Variants in INSL6 observed in about 807,000 individuals in gnomAD.
INSL6 encodes the protein insulin like 6.
Under a neutral mutation model 9.4 loss-of-function variants are expected in INSL6, and 16 were observed. The observed-to-expected ratio is 1.70, with a 90% CI of 1.15 to 2.59. INSL6 has a LOEUF of 2.59. INSL6 is among the 30% of genes most tolerant of loss of function. The probability of loss-of-function intolerance (pLI) is 0.00; values close to 1 mark genes in which losing one functional copy is unlikely to be tolerated. For synonymous variants in INSL6, 154 were observed against 96.9 expected, an observed-to-expected ratio of 1.59 and a Z score of -3.46; for missense variants, 391 against 257.3, an observed-to-expected ratio of 1.52 and a Z score of -3.56.
chr9:5,123,275 T>G (rs1253918771), downstream of INSL6, among the ~76,000 whole-genome samples: 1 of 151,990 alleles, frequency 6.6e-6, no homozygotes, highest in Non-Finnish European at 1.5e-5. Flanking sequence ...ACATACATTG[T>G]ATCCCTTAAA....
At chr9:4,994,381 A>T in the INSL6 span, among the ~76,000 whole-genome samples, 1 of 152,134 alleles carries the variant, frequency 6.6e-6, no homozygotes, top group Non-Finnish European at 1.5e-5. Flanking sequence ...TGAAACACAA[A>T]TTGCCGCTGG....
chr9:5,095,875 G>C, the INSL6 span, among the ~76,000 whole-genome samples: 1 of 152,044 alleles, frequency 6.6e-6, no homozygotes, highest in African/African-American at 2.4e-5. Flanking sequence ...CACATTTCTA[G>C]CACTTAGCCT....
At chr9:5,125,740 G>GATT (rs1393873899) in intron 3 of INSL6, among the ~76,000 whole-genome samples, 20 of 151,470 alleles carry the variant, frequency 1.3e-4, no homozygotes, top group East Asian at 1.9e-4. Flanking sequence ...TTCTTAATGT[G>GATT]GTTGACTATA....
the INSL6 span, among the ~76,000 whole-genome samples, chr9:5,014,219 G>T: frequency 6.8e-6 from 1 of 147,712 alleles, no homozygotes; most frequent in Non-Finnish European, 1.5e-5. Flanking sequence ...GCCCAGGCTG[G>T]ACTTGAACTC....
the INSL6 span, chr9:5,112,403 G>A: frequency 2.0e-5 from 9 of 460,038 alleles, no homozygotes; most frequent in East Asian, 4.0e-4. Context: ...GGGAGGAGGA[G>A]GATGAGGAGA....
the INSL6 span, chr9:5,112,483 G>A: frequency 1.8e-6 from 1 of 555,930 alleles, no homozygotes; most frequent in Non-Finnish European, 3.3e-6. Flanking sequence ...GACCAGCCCA[G>A]ACAAGGACGA....
chr9:5,082,086 C>A, the INSL6 span, among the ~76,000 whole-genome samples: 1 of 152,060 alleles, frequency 6.6e-6, no homozygotes, highest in African/African-American at 2.4e-5. Context: ...TCAGGTGGGA[C>A]CAGAGACTGA....
intron 3 of INSL6, among the ~76,000 whole-genome samples, chr9:5,125,262 A>G (rs534318096): frequency 3.3e-5 from 5 of 151,036 alleles, no homozygotes; most frequent in Non-Finnish European, 7.4e-5. Context: ...TTATATAAAT[A>G]TATATTATTT....
intron 2 of INSL6, among the ~76,000 whole-genome samples, chr9:5,133,970 A>G (rs978028682): frequency 1.3e-5 from 2 of 152,174 alleles, no homozygotes; most frequent in Admixed American, 1.3e-4. Context: ...ACAAATTGCT[A>G]ACTACAATAA....
the INSL6 span, chr9:5,111,011 A>G: frequency 2.7e-6 from 2 of 730,574 alleles, no homozygotes; most frequent in Non-Finnish European, 4.6e-6. Context: ...GCCAACGGGA[A>G]GGGCCGGCCC....
At chr9:5,101,305 G>C in the INSL6 span, among the ~76,000 whole-genome samples, 2 of 152,222 alleles carry the variant, frequency 1.3e-5, no homozygotes, top group South Asian at 4.1e-4. Flanking sequence ...AGATCCACCC[G>C]TGAGGCAGCA....
At chr9:5,116,680 C>G in the INSL6 span, among the ~76,000 whole-genome samples, 2 of 152,176 alleles carry the variant, frequency 1.3e-5, no homozygotes, top group Non-Finnish European at 1.5e-5. Context: ...AAATACTATA[C>G]AGGGAGGTAG....
the INSL6 span, among the ~76,000 whole-genome samples, chr9:5,003,346 A>G: frequency 6.6e-6 from 1 of 151,978 alleles, no homozygotes; most frequent in African/African-American, 2.4e-5. Flanking sequence ...CTGTATTCTT[A>G]TATCAGCATG....
At chr9:5,156,669 C>G (rs1564045354) in intron 2 of INSL6, among the ~76,000 whole-genome samples, 1 of 152,066 alleles carries the variant, frequency 6.6e-6, no homozygotes, top group Non-Finnish European at 1.5e-5. Context: ...CACTGGAAGT[C>G]CTAGGCAATG....
At chr9:5,120,984 G>C (rs1823575452), downstream of INSL6, among the ~76,000 whole-genome samples, 1 of 152,138 alleles carries the variant, frequency 6.6e-6, no homozygotes, top group African/African-American at 2.4e-5. Flanking sequence ...CAAAGATATG[G>C]TTATAAATTT....
chr9:5,150,331 T>G (rs559817784), intron 2 of INSL6, among the ~76,000 whole-genome samples: 3 of 152,266 alleles, frequency 2.0e-5, no homozygotes, highest in Admixed American at 6.5e-5. Flanking sequence ...GAAAAATATT[T>G]GCAAGCTATG....
chr9:5,149,357 T>C (rs1314991882), intron 2 of INSL6, among the ~76,000 whole-genome samples: 1 of 152,032 alleles, frequency 6.6e-6, no homozygotes, highest in Non-Finnish European at 1.5e-5. Flanking sequence ...TGGTGTAGTC[T>C]CTGTGTAAAT....
the INSL6 span, among the ~76,000 whole-genome samples, chr9:5,096,399 C>G: frequency 6.6e-6 from 1 of 152,146 alleles, no homozygotes; most frequent in South Asian, 2.1e-4. Context: ...TTTAATTAAG[C>G]TAAGTCCTTG....
chr9:5,157,007 A>G (rs540965402), intron 2 of INSL6, among the ~76,000 whole-genome samples: 75 of 152,180 alleles, frequency 4.9e-4, no homozygotes, highest in Non-Finnish European at 9.8e-4. Flanking sequence ...ACAGAACAAG[A>G]CTGTTTCAAA....
Sources: allele counts gnomAD v4.1 joint callset (sites outside exome capture counted in the v4.1 genomes callset), GRCh38; gene constraint gnomAD v4.1.1; transcripts MANE v1.5; gene names NCBI Gene and HGNC (gene_info 2026-07-23, HGNC 2026-07-21).